Variants in WDR25 observed in about 807,000 individuals in gnomAD.
The protein encoded by WDR25 is WD repeat-containing protein 25.
WDR25 carries 35 observed loss-of-function variants against 47.7 expected under a neutral mutation model. The ratio of observed to expected loss-of-function variants is 0.73; its 90% CI spans 0.56 to 0.97. WDR25 has a LOEUF of 0.97. Ranked by LOEUF, WDR25 falls within the 50% of genes least tolerant of loss-of-function variation. WDR25 has a pLI of 0.00. For synonymous variants in WDR25, 248 were observed against 278.9 expected (o/e 0.89, Z 1.10); for missense variants, 634 against 704.7 (o/e 0.90, Z 1.14).
intron 5 of WDR25, among the ~76,000 whole-genome samples, chr14:100,526,789 CCAT>C (rs2030170472): frequency 2.6e-5 from 4 of 152,206 alleles, no homozygotes; most frequent in East Asian, 1.9e-4. Flanking sequence ...ATCATCACCA[CCAT>C]CATCACCAGC....
At chr14:100,423,542 G>A (rs148789045) in intron 2 of WDR25, among the ~76,000 whole-genome samples, 13 of 152,178 alleles carry the variant, frequency 8.5e-5, no homozygotes, top group African/African-American at 1.2e-4. Flanking sequence ...CAAAATGTTC[G>A]GTTATTATAA....
At chr14:100,453,297 C>G (rs114298912) in intron 2 of WDR25, among the ~76,000 whole-genome samples, 1 of 152,182 alleles carries the variant, frequency 6.6e-6, no homozygotes, top group Admixed American at 6.5e-5. Flanking sequence ...TGCACACTTT[C>G]GAGCCAGAGT....
intron 4 of WDR25, among the ~76,000 whole-genome samples, chr14:100,494,758 C>T (rs535091048): frequency 6.6e-6 from 1 of 152,326 alleles, no homozygotes; most frequent in African/African-American, 2.4e-5. Flanking sequence ...TTCCCTTCTC[C>T]CATGTGGAAG....
intron 2 of WDR25, among the ~76,000 whole-genome samples, chr14:100,393,925 A>G (rs987059001): frequency 1.3e-5 from 2 of 152,182 alleles, no homozygotes; most frequent in Admixed American, 6.5e-5. Flanking sequence ...CGCTCCACAC[A>G]CTGCGTATTC....
In WDR25 at chr14:100,460,533, A is replaced by T. The variant is rs1899375797; in HGVS notation, c.823-7488A>T. Among the ~76,000 whole-genome samples the T allele has an allele frequency of 5.9e-5, 9 of 152,186 alleles. No homozygotes were observed. In the South Asian group the frequency reaches 1.9e-3, roughly 32 times the overall value. On this transcript the variant is annotated intron_variant, in intron 2 of 6. Coordinates refer to ENST00000402312, the MANE Select transcript of WDR25 (RefSeq NM_001161476.3). ...GCCTTAACATTTGAAAATCAATGTAACTCAGCATTAATGACTGAACTATAA... is the reference window on the plus strand; with the variant it reads ...GCCTTAACATTTGAAAATCAATGTATCTCAGCATTAATGACTGAACTATAA...
At chr14:100,470,715 G>A (rs530025275) in intron 3 of WDR25, among the ~76,000 whole-genome samples, 2 of 152,314 alleles carry the variant, frequency 1.3e-5, no homozygotes, top group South Asian at 4.1e-4. Context: ...CTGGTGGAGA[G>A]TTGGAGGAGT....
At chr14:100,516,023 T>G (rs1408247079) in intron 4 of WDR25, among the ~76,000 whole-genome samples, 1 of 152,056 alleles carries the variant, frequency 6.6e-6, no homozygotes, top group African/African-American at 2.4e-5. Flanking sequence ...GGAAGCATTT[T>G]CTTACCTCTT....
Position 100,440,714 on chromosome 14 carries a change from A to G in WDR25, c.823-27307A>G, listed in dbSNP as rs567347834. 6.6e-6 allele frequency among the ~76,000 whole-genome samples: 1 copy of G among 152,322 alleles called. No homozygotes were observed. Among genetic ancestry groups the G allele is most frequent in the African/African-American group, 2.4e-5 (1 of 41,568 alleles). On this transcript the variant is annotated intron_variant, in intron 2 of 6. Transcript: ENST00000402312. The surrounding 1 kb of genome is among the most constrained non-coding windows in gnomAD (Gnocchi z 4.4). Reference sequence around the variant, plus strand: ...TTATTTAGGGAGAGCCAGAGCAGCAATTCTCAGGTCAGGATTATTTGGGAG... The same window carrying G: ...TTATTTAGGGAGAGCCAGAGCAGCAGTTCTCAGGTCAGGATTATTTGGGAG...
rs545501167 is a variant in WDR25 at position 100,448,905 on chromosome 14, C to T, written c.823-19116C>T. On this transcript the variant is annotated intron_variant, in intron 2 of 6. Coordinates refer to ENST00000402312, the MANE Select transcript of WDR25 (RefSeq NM_001161476.3). ...GGAGACAGGAGAGAAGAGTAGGAGCCAACCAGGTGGAGACAGAGGAATGTA... is the reference window on the plus strand; with the variant it reads ...GGAGACAGGAGAGAAGAGTAGGAGCTAACCAGGTGGAGACAGAGGAATGTA... Among the ~76,000 whole-genome samples, 17 of 151,918 alleles carry T rather than the reference C, an allele frequency of 1.1e-4. No homozygotes were observed. In the South Asian group the frequency reaches 3.3e-3, roughly 30 times the overall value.
At position 100,385,686 on chromosome 14, in the gene WDR25, C is replaced by T. The variant is rs552016240; in HGVS notation, c.822+3940C>T. ...ATTCTGCACCGCTGCTCTTTCCTGACGATCCCTTCCTCCCCTTGTCTGTGA... is the reference window on the plus strand; with the variant it reads ...ATTCTGCACCGCTGCTCTTTCCTGATGATCCCTTCCTCCCCTTGTCTGTGA... On this transcript the variant is annotated intron_variant, in intron 2 of 6. Transcript: ENST00000402312. Among the ~76,000 whole-genome samples the T allele has an allele frequency of 5.6e-4, 85 of 152,296 alleles. 1 individual carries two copies. The highest frequency in any genetic ancestry group is 1.9e-3 in the African/African-American group (79 of 41,566).
intron 3 of WDR25, among the ~76,000 whole-genome samples, chr14:100,478,409 C>T (rs140456587): frequency 3.9e-5 from 6 of 152,326 alleles, no homozygotes; most frequent in African/African-American, 1.4e-4. Flanking sequence ...CTCAGCTATA[C>T]CATCTCCTGC....
chr14:100,464,308 G>A (rs998642622), intron 2 of WDR25, among the ~76,000 whole-genome samples: 1 of 152,108 alleles, frequency 6.6e-6, no homozygotes, highest in Non-Finnish European at 1.5e-5. Flanking sequence ...GGTCCTCCCT[G>A]GCCACCATTT....
intron 2 of WDR25, among the ~76,000 whole-genome samples, chr14:100,390,563 A>G (rs1897121852): frequency 6.6e-6 from 1 of 152,202 alleles, no homozygotes; most frequent in African/African-American, 2.4e-5. Flanking sequence ...GAGCCTGGTC[A>G]GCTTCTCAGG....
At chr14:100,441,894 ACT>A (rs1898681808) in intron 2 of WDR25, among the ~76,000 whole-genome samples, 1 of 151,806 alleles carries the variant, frequency 6.6e-6, no homozygotes. Context: ...CCTTGCACTG[ACT>A]CTCTGTTAGG....
At chr14:100,454,102 T>C (rs1396643486) in intron 2 of WDR25, among the ~76,000 whole-genome samples, 4 of 152,204 alleles carry the variant, frequency 2.6e-5, no homozygotes, top group Non-Finnish European at 5.9e-5. Context: ...GAGCCCTTTG[T>C]AACCCAGATA....
At chr14:100,414,192 C>G (rs1435396910) in intron 2 of WDR25, among the ~76,000 whole-genome samples, 2 of 151,862 alleles carry the variant, frequency 1.3e-5, no homozygotes, top group Non-Finnish European at 2.9e-5. Flanking sequence ...GAGACGAGGT[C>G]TCACTATGTT....
intron 2 of WDR25, among the ~76,000 whole-genome samples, chr14:100,412,414 G>A (rs886696688): frequency 2.0e-5 from 3 of 152,110 alleles, no homozygotes; most frequent in East Asian, 1.9e-4. Flanking sequence ...CGTGTCTTTA[G>A]GAGTGGTGAA....
intron 2 of WDR25, among the ~76,000 whole-genome samples, chr14:100,461,143 G>A (rs1444950194): frequency 6.6e-6 from 1 of 152,092 alleles, no homozygotes; most frequent in African/African-American, 2.4e-5. Context: ...GAGCCCAGGA[G>A]TTCAAAGTTT....
At chr14:100,437,581 A>G (rs529448295) in intron 2 of WDR25, among the ~76,000 whole-genome samples, 2 of 152,280 alleles carry the variant, frequency 1.3e-5, no homozygotes, top group African/African-American at 2.4e-5. Context: ...GAGTGGTTGT[A>G]GGGATTTGGG....
Sources: gnomAD v4.1 joint callset for allele counts (sites outside exome capture counted in the v4.1 genomes callset) on GRCh38, gnomAD v4.1.1 for gene constraint, Gnocchi (gnomAD v3.1) non-coding constraint, MANE v1.5 for transcripts, NCBI Gene and HGNC (gene_info 2026-07-23, HGNC 2026-07-21) for gene names.